The following TANK variants were observed in gnomAD, a reference collection of about 807,000 sequenced individuals.
TANK encodes the protein TRAF family member associated NFKB activator, also known as TRAF family member-associated NF-kappa-B activator.
Under a neutral mutation model 43.6 loss-of-function variants are expected in TANK, and 15 were observed. The observed-to-expected ratio is 0.34, with a 90% CI of 0.23 to 0.53. The LOEUF is 0.53. Ranked by LOEUF, TANK falls within the 20% of genes least tolerant of loss-of-function variation. The pLI, the probability that TANK is intolerant of heterozygous loss-of-function variation, is 0.94. For missense variants in TANK, 417 were observed against 498.6 expected (o/e 0.84, Z 1.56); for synonymous variants, 162 against 178.2 (o/e 0.91, Z 0.73).
intron 4 of TANK, chr2:161,212,085 G>C (rs1364971179): frequency 4.6e-6 from 3 of 656,650 alleles, no homozygotes; most frequent in Non-Finnish European, 5.6e-6. Flanking sequence ...TTTTGAGACA[G>C]GGTCTCATTC....
At chr2:161,145,995 A>G (rs1473764370) in intron 1 of TANK, among the ~76,000 whole-genome samples, 1 of 152,176 alleles carries the variant, frequency 6.6e-6, no homozygotes, top group African/African-American at 2.4e-5. Context: ...ACATAGTCCC[A>G]TATTTCTCAG....
At position 161,220,661 on chromosome 2, in the gene TANK, A is replaced by C. The variant is rs186783513; in HGVS notation, c.328-3254A>C. Among the ~76,000 whole-genome samples, 11 of 152,334 alleles carry C rather than the reference A, an allele frequency of 7.2e-5. No homozygotes were observed. The South Asian group carries it at 1.9e-3, about 26-fold the overall frequency. ...TTATTTTGCTGACTTTAATTGCTTA[A>C]AATTTTTAAGAAAAAATATGGTTTC... On this transcript the variant is annotated intron_variant, in intron 4 of 7. Transcript: ENST00000392749.
At chr2:161,161,168 T>G (rs1684415636) in intron 1 of TANK, 5 of 1,457,314 alleles carry the variant, frequency 3.4e-6, no homozygotes, top group South Asian at 1.4e-5. Context: ...GCTGTGCTTT[T>G]CTAGAAGTAG....
At chr2:161,233,396 C>T (rs1013663931) in intron 7 of TANK, among the ~76,000 whole-genome samples, 4 of 151,396 alleles carry the variant, frequency 2.6e-5, no homozygotes, top group African/African-American at 9.7e-5. Flanking sequence ...GACCCTGTCT[C>T]AAAATAATAA....
At chr2:161,164,487 A>G (rs1684587298) in intron 1 of TANK, among the ~76,000 whole-genome samples, 1 of 152,202 alleles carries the variant, frequency 6.6e-6, no homozygotes, top group Non-Finnish European at 1.5e-5. Context: ...ATCGCTTTAT[A>G]GTTCGGAACC....
chr2:161,165,147 G>A (rs1158364667), intron 1 of TANK, among the ~76,000 whole-genome samples: 6 of 149,604 alleles, frequency 4.0e-5, no homozygotes, highest in Non-Finnish European at 8.9e-5. Context: ...ACTGGAAATT[G>A]AGTAGACAAA....
intron 1 of TANK, chr2:161,160,793 A>C: frequency 1.8e-6 from 1 of 549,684 alleles, no homozygotes; most frequent in Non-Finnish European, 3.6e-6. Context: ...TTGCCCGGGA[A>C]ATGGGGGTGG....
At chr2:161,183,851 T>A (rs1044003601) in intron 2 of TANK, among the ~76,000 whole-genome samples, 1 of 152,082 alleles carries the variant, frequency 6.6e-6, no homozygotes, top group South Asian at 2.1e-4. Flanking sequence ...TAAGGAACTT[T>A]AAAAAGTTCA....
At chr2:161,147,220 T>G (rs1226739358) in intron 1 of TANK, among the ~76,000 whole-genome samples, 1 of 152,202 alleles carries the variant, frequency 6.6e-6, no homozygotes, top group African/African-American at 2.4e-5. Flanking sequence ...TAGAGATGGC[T>G]GTTCCCTTCC....
In TANK at chr2:161,160,464, ACGC is replaced by A; in HGVS notation, c.-71_-69del. 8.1e-7 allele frequency: 1 copy of A among 1,238,514 alleles called. No homozygotes were observed. Among genetic ancestry groups the A allele is most frequent in the Middle Eastern group, 3.1e-4 (1 of 3,226 alleles). 76.7% of individuals were successfully genotyped at this position (1,238,514 alleles called of 1,614,324 possible). ...CGCCGGCGACCTGAGGGGAGAGGGA[ACGC>A]AGCTGAAAGCGTGAACTGTGTGAGT... On this transcript the variant is annotated 5_prime_UTR_variant, in exon 1 of 8. Coordinates refer to ENST00000392749, the MANE Select transcript of TANK (RefSeq NM_001199135.3).
intron 2 of TANK, among the ~76,000 whole-genome samples, chr2:161,181,829 C>T (rs1419339284): frequency 6.6e-6 from 1 of 152,068 alleles, no homozygotes; most frequent in Non-Finnish European, 1.5e-5. Context: ...GCACCTAAAC[C>T]TTTCTGAAGA....
chr2:161,203,368 C>A, intron 2 of TANK, 119 bp from the exon 3 acceptor site: 2 of 641,288 alleles, frequency 3.1e-6, no homozygotes, highest in Non-Finnish European at 5.4e-6. Flanking sequence ...TCTCATAAAT[C>A]ACAATACCTG....
intron 7 of TANK, chr2:161,232,644 A>C: frequency 7.3e-7 from 1 of 1,372,758 alleles, no homozygotes; most frequent in Non-Finnish European, 9.6e-7. Context: ...ATTTATTGCA[A>C]GTAGAATTCC....
chr2:161,196,802 G>A (rs1474723289), intron 2 of TANK, among the ~76,000 whole-genome samples: 1 of 152,182 alleles, frequency 6.6e-6, no homozygotes, highest in African/African-American at 2.4e-5. Context: ...GTTGCAGTGA[G>A]CCTAGGCAGA....
chr2:161,160,382 G>T, upstream of TANK: 1 of 1,224,796 alleles, frequency 8.2e-7, no homozygotes, highest in South Asian at 3.8e-5. Flanking sequence ...CCGCGCGCAG[G>T]CACTGCCCTC....
upstream of TANK, among the ~76,000 whole-genome samples, chr2:161,158,787 T>C (rs1684291295): frequency 6.6e-6 from 1 of 152,046 alleles, no homozygotes; most frequent in Non-Finnish European, 1.5e-5. Context: ...AAGGAGAAAA[T>C]TTTTTGCAAA....
intron 4 of TANK, among the ~76,000 whole-genome samples, chr2:161,216,908 G>A (rs577456061): frequency 1.2e-4 from 19 of 152,286 alleles, no homozygotes; most frequent in South Asian, 6.2e-4. Context: ...TACCATAACC[G>A]TTTTTAGGTG....
At chr2:161,156,806 T>C (rs1337330664), upstream of TANK, among the ~76,000 whole-genome samples, 1 of 152,242 alleles carries the variant, frequency 6.6e-6, no homozygotes, top group Non-Finnish European at 1.5e-5. Context: ...CTTTAATAGC[T>C]AGTTATTTTA....
At chr2:161,158,328 A>G (rs1219730542), upstream of TANK, among the ~76,000 whole-genome samples, 1 of 152,248 alleles carries the variant, frequency 6.6e-6, no homozygotes, top group East Asian at 1.9e-4. Context: ...TGTCAACTCA[A>G]TTTCTAACCT....
Sources: allele counts gnomAD v4.1 joint callset (sites outside exome capture counted in the v4.1 genomes callset), GRCh38; gene constraint gnomAD v4.1.1; transcripts MANE v1.5; gene names NCBI Gene and HGNC (gene_info 2026-07-23, HGNC 2026-07-21).